CAD: variants seen among roughly 807,000 people sequenced by gnomAD.
CAD encodes multifunctional protein CAD.
In CAD, 81 loss-of-function variants were observed where a neutral mutation model predicts 237.2. The ratio of observed to expected loss-of-function variants is 0.34; its 90% CI spans 0.29 to 0.41. The LOEUF is 0.41. Ranked by LOEUF, CAD falls within the 10% of genes least tolerant of loss-of-function variation. The pLI is 1.00. For synonymous variants in CAD, 1,196 were observed against 1,162.8 expected (o/e 1.03, Z -0.58); for missense variants, 2,181 against 2,951.7 (o/e 0.74, Z 6.05).
rs1401224684 is a variant in CAD at position 27,234,513 on chromosome 2, C to T, written c.3619-5C>T. Reference sequence around the variant, plus strand: ...AGAAGGCCTGACCAGTCTTCTCTGCCCCAGGATGACCAGCTGAAAGTTATT... The same window carrying T: ...AGAAGGCCTGACCAGTCTTCTCTGCTCCAGGATGACCAGCTGAAAGTTATT... On this transcript the variant is annotated splice_region_variant and splice_polypyrimidine_tract_variant and intron_variant, in intron 22 of 43. Transcript: ENST00000264705. The T allele has an allele frequency of 4.1e-5, 66 of 1,613,254 alleles. No homozygotes were observed. The highest frequency in any genetic ancestry group is 5.6e-5 in the Non-Finnish European group (66 of 1,179,596).
chr2:27,236,618 A>C lies in CAD; in HGVS notation c.4314+95A>C. 6.4e-7 allele frequency: 1 copy of C among 1,573,466 alleles called. No homozygotes were observed. ...GTATGGAACAGCCATGCTAGTAATAAAGCTTTGTGGCTACAGAGGGAGAGA... is the reference window on the plus strand; with the variant it reads ...GTATGGAACAGCCATGCTAGTAATACAGCTTTGTGGCTACAGAGGGAGAGA... On this transcript the variant is annotated intron_variant, in intron 26 of 43. Coordinates refer to ENST00000264705, the MANE Select transcript of CAD (RefSeq NM_004341.5). The surrounding 1 kb of genome is among the most constrained non-coding windows in gnomAD (Gnocchi z 4.1).
Position 27,236,440 on chromosome 2 carries a change from A to G in CAD, c.4231A>G (p.Lys1411Glu). ...CCGGCGTCTCTCTTCCTTTGTCACC[A>G]AGGGCTACCGCACCCGACGCTTGGC... is the stretch of plus-strand genomic sequence containing the variant. ...GGRRLSSFVT[K>E]GYRTRRLAAD... Residue 1411 changes from lysine to glutamate, a missense_variant, in exon 26 of 44, where the codon AAG (lysine) becomes GAG (glutamate). Lys to Glu is a moderately conservative substitution (Grantham distance 56, BLOSUM62 1). This residue lies in a region of CAD where 306 missense variants were observed against 607.9 expected (regional missense o/e 0.50). Transcript: ENST00000264705. This position sits in a 1 kb window ranked among gnomAD's most constrained non-coding sequence, Gnocchi z 4.1. 6.2e-7 allele frequency: 1 copy of G among 1,614,156 alleles called. No homozygotes were observed. Among genetic ancestry groups the G allele is most frequent in the Non-Finnish European group, 8.5e-7 (1 of 1,180,044 alleles).
chr2:27,219,317 T>A (rs960516821), intron 2 of CAD, among the ~76,000 whole-genome samples: 4 of 152,068 alleles, frequency 2.6e-5, no homozygotes, highest in Non-Finnish European at 5.9e-5. Context: ...TATTAAACGC[T>A]TATCTATTGA....
rs375769842 is a variant in CAD, at chr2:27,239,652, G to C, written c.5395-45G>C. ...GCTGACATCTACCCCTTTAGGACCTGAGTTCTCTCTGCTCCCTCCTGAGTG... is the reference window on the plus strand; with the variant it reads ...GCTGACATCTACCCCTTTAGGACCTCAGTTCTCTCTGCTCCCTCCTGAGTG... On this transcript the variant is annotated intron_variant, in intron 33 of 43. Coordinates refer to ENST00000264705, the MANE Select transcript of CAD (RefSeq NM_004341.5). This position sits in a 1 kb window ranked among gnomAD's most constrained non-coding sequence, Gnocchi z 4.0. The C allele has an allele frequency of 6.9e-4, 1,047 of 1,518,304 alleles. 7 individuals carry two copies. The highest frequency in any genetic ancestry group is 1.7e-4 in the Non-Finnish European group (188 of 1,116,088). 94.1% of individuals were successfully genotyped at this position (1,518,304 alleles called of 1,614,324 possible).
intron 5 of CAD, 61 bp downstream of exon 5, chr2:27,222,721 TTG>T: frequency 6.3e-7 from 1 of 1,594,342 alleles, no homozygotes; most frequent in Non-Finnish European, 8.6e-7. Context: ...GATCTATCCC[TTG>T]GTCCAATTGC....
rs750030737 is a variant in CAD at position 27,240,623 on chromosome 2, T to A, written c.5593+262T>A. 5.2e-6 allele frequency: 8 copies of A among 1,543,606 alleles called. No individual in the cohort carries two copies. In the South Asian group the frequency reaches 9.6e-5, roughly 19 times the overall value. On this transcript the variant is annotated intron_variant, in intron 35 of 43. Transcript: ENST00000264705. This position sits in a 1 kb window ranked among gnomAD's most constrained non-coding sequence, Gnocchi z 4.6. ...ACGGGGCAGCAGAGCGTGGGGTAAA[T>A]CCAGGTTGTTGGTTGGTGTGAGTCT...
rs566089875 is a variant in CAD at position 27,241,761 on chromosome 2, C to T, written c.5884-150C>T. ...CTCAGAGTGACACCAGTGGTGGAAA[C>T]GTCAAGGCTCTGACAGGTCACAGGG... On this transcript the variant is annotated intron_variant, in intron 38 of 43. Coordinates refer to ENST00000264705, the MANE Select transcript of CAD (RefSeq NM_004341.5). The surrounding 1 kb of genome is among the most constrained non-coding windows in gnomAD (Gnocchi z 4.6). 9.1e-5 allele frequency: 58 copies of T among 638,570 alleles called. No homozygotes were observed. In the South Asian group the frequency reaches 9.2e-4, roughly 10 times the overall value. The allele number at this position is 638,570 out of a possible 1,614,324, so 39.6% of individuals were successfully genotyped here.
Position 27,240,558 on chromosome 2 carries a change from T to C in CAD, c.5593+197T>C, listed in dbSNP as rs1676267948. The stretch of plus-strand genomic sequence containing the variant: ...CAGCTTCTCACATGCCCTTTTTTGT[T>C]GTGGGCAGCTGTGTTCCTCCGCCCA... On this transcript the variant is annotated intron_variant, in intron 35 of 43. Transcript: ENST00000264705. The surrounding 1 kb of genome is among the most constrained non-coding windows in gnomAD (Gnocchi z 4.6). 8.4e-6 allele frequency: 13 copies of C among 1,547,522 alleles called. No homozygotes were observed. Among genetic ancestry groups the C allele is most frequent in the Non-Finnish European group, 1.1e-5 (13 of 1,145,298 alleles).
chr2:27,223,899 A>G lies in CAD; in HGVS notation c.996-18A>G, dbSNP rs752565086. 10 of 1,594,344 alleles carry G rather than the reference A, an allele frequency of 6.3e-6. No individual in the cohort carries two copies. In the Admixed American group the frequency reaches 1.7e-4, roughly 27 times the overall value. On this transcript the variant is annotated intron_variant, in intron 7 of 43. Transcript: ENST00000264705. Reference sequence around the variant, plus strand: ...GCCAGGGACCATGATGGTTTTCATGATGCAATCTCTTCAATAGTGTCCAGT... The same window carrying G: ...GCCAGGGACCATGATGGTTTTCATGGTGCAATCTCTTCAATAGTGTCCAGT...
Position 27,240,914 on chromosome 2 carries a change from A to C in CAD, c.5597A>C (p.Glu1866Ala). Residue 1866 changes from glutamate to alanine, a missense_variant, in exon 36 of 44, where the codon GAG (glutamate) becomes GCG (alanine). Glu to Ala is a moderately radical substitution (Grantham distance 107). Coordinates refer to ENST00000264705, the MANE Select transcript of CAD (RefSeq NM_004341.5). This position sits in a 1 kb window ranked among gnomAD's most constrained non-coding sequence, Gnocchi z 4.6. ...HRASDPGLPA[E>A]EPKEKSSRKV... Reference sequence around the variant, plus strand: ...TGTCCTCTTGTCCTGTTTGCAGCTGAGGAGCCAAAGGAGAAGTCCTCTCGG... The same window carrying C: ...TGTCCTCTTGTCCTGTTTGCAGCTGCGGAGCCAAAGGAGAAGTCCTCTCGG... 6.2e-7 allele frequency: 1 copy of C among 1,614,114 alleles called. No individual in the cohort carries two copies. Among genetic ancestry groups the C allele is most frequent in the Non-Finnish European group, 8.5e-7 (1 of 1,180,000 alleles).
chr2:27,236,558 C>T lies in CAD; in HGVS notation c.4314+35C>T. On this transcript the variant is annotated intron_variant, in intron 26 of 43. Coordinates refer to ENST00000264705, the MANE Select transcript of CAD (RefSeq NM_004341.5). This position sits in a 1 kb window ranked among gnomAD's most constrained non-coding sequence, Gnocchi z 4.1. ...ACCCATGTGCTGGGAGGGAGACTGC[C>T]AGTGTTGATGGGAAGAAGAAAGAGG... 1 of 1,605,422 alleles carries T rather than the reference C, an allele frequency of 6.2e-7. No homozygotes were observed.
intron 8 of CAD, 102 bp from the exon 9 acceptor site, chr2:27,224,243 C>A: frequency 7.9e-7 from 1 of 1,273,240 alleles, no homozygotes; most frequent in Non-Finnish European, 1.1e-6. Context: ...TCCTGAGGTG[C>A]ATAATTTGCT....
rs1184277935 is a variant in CAD, at chr2:27,237,483, T to A, written c.4501T>A (p.Cys1501Ser). Reference sequence around the variant, plus strand: ...CCTGGCTGGGGGTATCACCATGGTGTGTGCCATGCCTAATACCCGGCCCCC... The same window carrying A: ...CCTGGCTGGGGGTATCACCATGGTGAGTGCCATGCCTAATACCCGGCCCCC... ...AALAGGITMV[C>S]AMPNTRPPII... The change falls in exon 28 of 44, where the codon TGT (cysteine) becomes AGT (serine). Residue 1501 changes from cysteine (C) to serine (S), a missense_variant. This residue lies in a region of CAD where 478 missense variants were observed against 515.0 expected (regional missense o/e 0.93). Coordinates refer to ENST00000264705, the MANE Select transcript of CAD (RefSeq NM_004341.5). This position sits in a 1 kb window ranked among gnomAD's most constrained non-coding sequence, Gnocchi z 4.0. 3.1e-6 allele frequency: 5 copies of A among 1,614,192 alleles called. No individual in the cohort carries two copies. Among genetic ancestry groups the A allele is most frequent in the Non-Finnish European group, 4.2e-6 (5 of 1,180,008 alleles).
chr2:27,237,914 A>C lies in CAD; in HGVS notation c.4728+32A>C. The C allele has an allele frequency of 1.3e-6, 2 of 1,584,572 alleles. No homozygotes were observed. Among genetic ancestry groups the C allele is most frequent in the Non-Finnish European group, 1.7e-6 (2 of 1,162,370 alleles). On this transcript the variant is annotated intron_variant, in intron 29 of 43. Transcript: ENST00000264705. The surrounding 1 kb of genome is among the most constrained non-coding windows in gnomAD (Gnocchi z 4.0). ...AGTGTGCATGTGGCAGGAGGCCACC[A>C]CCCAGTGTCTCCTGGCTTGTGGGCC... is the stretch of plus-strand genomic sequence containing the variant.
Position 27,223,998 on chromosome 2 carries a change from G to A in CAD, c.1077G>A (p.Glu359=), listed in dbSNP as rs1334214214. 1 of 1,613,898 alleles carries A rather than the reference G, an allele frequency of 6.2e-7. No individual in the cohort carries two copies. Among genetic ancestry groups the A allele is most frequent in the African/African-American group, 1.3e-5 (1 of 75,048 alleles). Residue 359 remains glutamate, a synonymous_variant, in exon 8 of 44, where the codon GAG becomes GAA. Coordinates refer to ENST00000264705, the MANE Select transcript of CAD (RefSeq NM_004341.5). ...LFDIFLETVK[E]ATAGNPGGQT... ...ATATCTTTCTGGAAACTGTGAAAGA[G>A]GCCACAGCTGGGAACCCTGGGGGCC...
In CAD at chr2:27,232,050, A is replaced by G. The variant is rs778521944; in HGVS notation, c.2471A>G (p.Asp824Gly). Reference sequence around the variant, plus strand: ...GCTTTGTGGGCTGGTTATTCAGTGGACCGCCTGTATGAGCTCACACGCATC... The same window carrying G: ...GCTTTGTGGGCTGGTTATTCAGTGGGCCGCCTGTATGAGCTCACACGCATC... ...AAALWAGYSV[D>G]RLYELTRIDR... Residue 824 changes from aspartate to glycine, a missense_variant, in exon 17 of 44, where the codon GAC (aspartate) becomes GGC (glycine). By Grantham distance (94) the Asp-to-Gly change is moderately conservative. Coordinates refer to ENST00000264705, the MANE Select transcript of CAD (RefSeq NM_004341.5). This position sits in a 1 kb window ranked among gnomAD's most constrained non-coding sequence, Gnocchi z 4.1. 6 of 1,614,172 alleles carry G rather than the reference A, an allele frequency of 3.7e-6. No homozygotes were observed. In the African/African-American group the frequency reaches 8.0e-5, roughly 22 times the overall value.
Position 27,239,143 on chromosome 2 carries a change from C to T in CAD, c.5164C>T (p.Arg1722Trp), listed in dbSNP as rs1676171656. The T allele has an allele frequency of 3.1e-6, 5 of 1,613,524 alleles. No individual in the cohort carries two copies. Among genetic ancestry groups the T allele is most frequent in the African/African-American group, 1.3e-5 (1 of 75,026 alleles). ...ACTCCTGACGGCTGTAAGCGAGGGC[C>T]GGCTCAGCCTGGACGACCTGCTGCA... Reference protein sequence around the residue: ...PLLLTAVSEGRLSLDDLLQRL... With the variant: ...PLLLTAVSEGWLSLDDLLQRL... Residue 1722 changes from arginine (R) to tryptophan (W), a missense_variant, in exon 32 of 44, where the codon CGG becomes TGG. Arg to Trp is a moderately radical substitution (Grantham distance 101, BLOSUM62 -3). Coordinates refer to ENST00000264705, the MANE Select transcript of CAD (RefSeq NM_004341.5). This position sits in a 1 kb window ranked among gnomAD's most constrained non-coding sequence, Gnocchi z 4.0.
chr2:27,222,975 T>A lies in CAD; in HGVS notation c.747T>A (p.Phe249Leu), dbSNP rs1327499397. ...VLSEPNPRPV[F>L]GICLGHQLLA... is the part of the protein sequence containing the mutation. The stretch of plus-strand genomic sequence containing the variant: ...CTGAGCCTAATCCCCGACCTGTCTT[T>A]GGGATCTGCCTGGGACACCAGCTAT... The change falls in exon 6 of 44, where the codon TTT (phenylalanine) becomes TTA (leucine). Residue 249 changes from phenylalanine (F) to leucine (L), a missense_variant. Physicochemically the swap from Phe to Leu is conservative, Grantham distance 22. This residue lies in a region of CAD where 314 missense variants were observed against 339.4 expected (regional missense o/e 0.93). Coordinates refer to ENST00000264705, the MANE Select transcript of CAD (RefSeq NM_004341.5). 1 of 1,614,118 alleles carries A rather than the reference T, an allele frequency of 6.2e-7. No homozygotes were observed. Among genetic ancestry groups the A allele is most frequent in the Admixed American group, 1.7e-5 (1 of 60,010 alleles).
In CAD at chr2:27,222,999, A is replaced by C; in HGVS notation, c.771A>C (p.Leu257=). 6.2e-7 allele frequency: 1 copy of C among 1,614,038 alleles called. No individual in the cohort carries two copies. Among genetic ancestry groups the C allele is most frequent in the African/African-American group, 1.3e-5 (1 of 74,978 alleles). The part of the protein sequence containing the change: ...PVFGICLGHQ[L]LALAIGAKTY... ...TTGGGATCTGCCTGGGACACCAGCTATTGGCCTTAGCCATTGGGGCCAAGA... is the reference window on the plus strand; with the variant it reads ...TTGGGATCTGCCTGGGACACCAGCTCTTGGCCTTAGCCATTGGGGCCAAGA... The change falls in exon 6 of 44, where the codon CTA becomes CTC. Residue 257 remains leucine, a synonymous_variant. Coordinates refer to ENST00000264705, the MANE Select transcript of CAD (RefSeq NM_004341.5).
Sources: allele counts gnomAD v4.1 joint callset (sites outside exome capture counted in the v4.1 genomes callset), GRCh38; gene constraint gnomAD v4.1.1; regional missense constraint gnomAD v4.1.1; non-coding constraint Gnocchi (gnomAD v3.1); transcripts MANE v1.5; gene names NCBI Gene and HGNC (gene_info 2026-07-23, HGNC 2026-07-21).